FLNC: variants seen among roughly 807,000 people sequenced by gnomAD.
FLNC encodes the protein filamin C.
FLNC carries 91 observed loss-of-function variants against 254.3 expected under a neutral mutation model. The ratio of observed to expected loss-of-function variants is 0.36; its 90% CI spans 0.30 to 0.43. The LOEUF is 0.43. FLNC is among the 20% of genes least tolerant of loss of function. The probability of loss-of-function intolerance (pLI) is 1.00; values close to 1 mark genes in which losing one functional copy is unlikely to be tolerated. For missense variants in FLNC, 2,853 were observed against 3,802.6 expected (o/e 0.75, Z 6.57); for synonymous variants, 1,430 against 1,577.2 (o/e 0.91, Z 2.21).
chr7:128,834,325 A>G (rs1808011825), intron 1 of FLNC, among the ~76,000 whole-genome samples: 1 of 122,320 alleles, frequency 8.2e-6, no homozygotes, highest in Non-Finnish European at 1.7e-5. Flanking sequence ...CCCCCCCCCA[A>G]ATCTTGAGGA....
At chr7:128,843,611 C>A (rs202170677) in intron 18 of FLNC, 34 bp downstream of exon 18, 5 of 1,612,336 alleles carry the variant, frequency 3.1e-6, no homozygotes, top group Non-Finnish European at 4.2e-6. Context: ...ACCGCCCGGC[C>A]GGCCCGCCAG....
chr7:128,855,287 T>G lies in FLNC; in HGVS notation c.7224T>G (p.Ala2408=), dbSNP rs2128939770. Residue 2408 remains alanine, a synonymous_variant, in exon 43 of 48, where the codon GCT becomes GCG. Coordinates refer to ENST00000325888, the MANE Select transcript of FLNC (RefSeq NM_001458.5). The part of the protein sequence containing the change: ...VVPVASLSDD[A]RRLTVTSLQE... ...CTGTGGCCTCCCTCTCGGATGACGCTCGCCGTCTCACTGTCACCAGCCTCC... is the reference window on the plus strand; with the variant it reads ...CTGTGGCCTCCCTCTCGGATGACGCGCGCCGTCTCACTGTCACCAGCCTCC... 6.2e-7 allele frequency: 1 copy of G among 1,613,106 alleles called. No homozygotes were observed. Among genetic ancestry groups the G allele is most frequent in the Non-Finnish European group, 8.5e-7 (1 of 1,179,336 alleles).
rs374206358 is a variant in FLNC at position 128,856,673 on chromosome 7, A to T, written c.7384+23A>T. ...GTGGTGAGCTGGCCCTGCCCCTGCCAACTCCCTTCCGGGCTGGGGCCTTCT... is the reference window on the plus strand; with the variant it reads ...GTGGTGAGCTGGCCCTGCCCCTGCCTACTCCCTTCCGGGCTGGGGCCTTCT... On this transcript the variant is annotated intron_variant, in intron 44 of 47. Coordinates refer to ENST00000325888, the MANE Select transcript of FLNC (RefSeq NM_001458.5). The surrounding 1 kb of genome is among the most constrained non-coding windows in gnomAD (Gnocchi z 5.9). 9.9e-5 allele frequency: 160 copies of T among 1,613,644 alleles called. No homozygotes were observed. The African/African-American group carries it at 2.0e-3, about 20-fold the overall frequency.
In FLNC at chr7:128,851,290, G is replaced by T; in HGVS notation, c.5598G>T (p.Gly1866=). Residue 1866 remains glycine (G), a synonymous_variant, in exon 34 of 48, where the codon GGG becomes GGT. Coordinates refer to ENST00000325888, the MANE Select transcript of FLNC (RefSeq NM_001458.5). The part of the protein sequence containing the change: ...AINSRHVSAY[G]PGLSHGMVNK... ...ACAGCCGCCATGTCAGTGCCTATGG[G>T]CCAGGCCTGAGCCATGGCATGGTCA... 1 of 1,614,096 alleles carries T rather than the reference G, an allele frequency of 6.2e-7. No individual in the cohort carries two copies. Among genetic ancestry groups the T allele is most frequent in the Non-Finnish European group, 8.5e-7 (1 of 1,180,008 alleles).
Position 128,844,226 on chromosome 7 carries a change from C to T in FLNC, c.3152C>T (p.Pro1051Leu), listed in dbSNP as rs546130026. 3.7e-6 allele frequency: 6 copies of T among 1,611,418 alleles called. No homozygotes were observed. Among genetic ancestry groups the T allele is most frequent in the East Asian group, 2.2e-5 (1 of 44,828 alleles). Residue 1051 changes from proline (P) to leucine (L), a missense_variant, in exon 20 of 48, where the codon CCG becomes CTG. Physicochemically the swap from Pro to Leu is moderately conservative, Grantham distance 98. Around this residue, in one of 10 missense-constraint regions of FLNC, gnomAD observed 1,573 missense variants for 1,883.5 expected, o/e 0.84. Transcript: ENST00000325888. ...GATGGTCACCCGGTGCCTGGCAGCC[C>T]GTTTGCTGTGGAGGGTGTCCTGCCC... is the stretch of plus-strand genomic sequence containing the variant. ...TYDGHPVPGS[P>L]FAVEGVLPPD...
rs1808384296 is a variant in FLNC, at chr7:128,842,662, A to G, written c.2353A>G (p.Thr785Ala). 1.3e-6 allele frequency: 2 copies of G among 1,552,582 alleles called. No homozygotes were observed. The highest frequency in any genetic ancestry group is 1.4e-5 in the African/African-American group (1 of 73,008). The part of the protein sequence containing the change: ...EKTGLKANEP[T>A]YFTVDCSEAG... The stretch of plus-strand genomic sequence containing the variant: ...GACAGGCCTCAAGGCCAATGAGCCC[A>G]CCTACTTCACGGTGGACTGCAGCGA... The change falls in exon 15 of 48, where the codon ACC becomes GCC. Residue 785 changes from threonine (T) to alanine (A), a missense_variant. This residue lies in a region of FLNC where 1,573 missense variants were observed against 1,883.5 expected (regional missense o/e 0.84). Coordinates refer to ENST00000325888, the MANE Select transcript of FLNC (RefSeq NM_001458.5). The surrounding 1 kb of genome is among the most constrained non-coding windows in gnomAD (Gnocchi z 5.4).
intron 33 of FLNC, 100 bp downstream of exon 33, chr7:128,851,043 G>C: frequency 6.5e-7 from 1 of 1,538,876 alleles, no homozygotes; most frequent in Non-Finnish European, 9.0e-7. Flanking sequence ...TTGAGCACCC[G>C]CTGTGTGCAG....
rs1422764683 is a variant in FLNC at position 128,841,346 on chromosome 7, G to T, written c.1990G>T (p.Asp664Tyr). The T allele has an allele frequency of 1.2e-6, 2 of 1,613,994 alleles. No individual in the cohort carries two copies. The highest frequency in any genetic ancestry group is 1.1e-5 in the South Asian group (1 of 91,078). ...TGCCCACATCCTGCCCGCCCCACCT[G>T]ACTGCTTCCCAGATAAGGTGTGGTC... ...FIAHILPAPPDCFPDKVKAFG... is the reference protein window; with the variant it reads ...FIAHILPAPPYCFPDKVKAFG... The change falls in exon 12 of 48, where the codon GAC becomes TAC. Residue 664 changes from aspartate to tyrosine, a missense_variant. Transcript: ENST00000325888. The surrounding 1 kb of genome is among the most constrained non-coding windows in gnomAD (Gnocchi z 4.3).
chr7:128,849,025 C>A lies in FLNC; in HGVS notation c.4927+43C>A, dbSNP rs766161375. On this transcript the variant is annotated intron_variant, in intron 28 of 47. Transcript: ENST00000325888. ...GCCCGTGCCCTGCTCACCACCCAGC[C>A]CCTCAAAGCCCCTCCAGAACCCTGG... The A allele has an allele frequency of 9.4e-6, 15 of 1,600,650 alleles. No individual in the cohort carries two copies. In the East Asian group the frequency reaches 3.4e-4, roughly 36 times the overall value.
At chr7:128,834,866 C>T (rs1044725563) in intron 1 of FLNC, among the ~76,000 whole-genome samples, 5 of 152,082 alleles carry the variant, frequency 3.3e-5, no homozygotes, top group African/African-American at 1.2e-4. Flanking sequence ...ATGGTACCTT[C>T]GTTATTCTCC....
chr7:128,858,650 T>C lies in FLNC; in HGVS notation c.*127T>C, dbSNP rs997465232. The stretch of plus-strand genomic sequence containing the variant: ...GAATCAGACACTACAAACACCTGCC[T>C]TGGGGGTGAAGTGAAGGCCCAGCCT... On this transcript the variant is annotated 3_prime_UTR_variant, in exon 48 of 48. Transcript: ENST00000325888. This position sits in a 1 kb window ranked among gnomAD's most constrained non-coding sequence, Gnocchi z 6.7. 2 of 769,256 alleles carry C rather than the reference T, an allele frequency of 2.6e-6. No homozygotes were observed. The highest frequency in any genetic ancestry group is 2.1e-5 in the Admixed American group (1 of 46,946). 47.7% of individuals were successfully genotyped at this position (769,256 alleles called of 1,614,324 possible). A position where few individuals can be genotyped will look rare whatever the true frequency, so the allele number is the denominator to read the frequency against.
chr7:128,845,098 C>T lies in FLNC; in HGVS notation c.3633C>T (p.Thr1211=). The change falls in exon 21 of 48, where the codon ACC becomes ACT. Residue 1211 remains threonine (T), a synonymous_variant. Coordinates refer to ENST00000325888, the MANE Select transcript of FLNC (RefSeq NM_001458.5). ...EVLIHNNADG[T]YHITYSPAFP... is the part of the protein sequence containing the mutation. ...TGATCCACAACAACGCGGATGGCAC[C>T]TACCACATCACCTACAGCCCTGCCT... 2 of 1,613,926 alleles carry T rather than the reference C, an allele frequency of 1.2e-6. No homozygotes were observed. The highest frequency in any genetic ancestry group is 1.1e-5 in the South Asian group (1 of 91,084).
At position 128,848,569 on chromosome 7, in the gene FLNC, A is replaced by G. The variant is rs756526090; in HGVS notation, c.4589A>G (p.Lys1530Arg). The G allele has an allele frequency of 3.7e-6, 6 of 1,613,838 alleles. No homozygotes were observed. Among genetic ancestry groups the G allele is most frequent in the Non-Finnish European group, 5.1e-6 (6 of 1,180,024 alleles). Residue 1530 changes from lysine (K) to arginine (R), a missense_variant, in exon 27 of 48, where the codon AAG becomes AGG. Lys to Arg is a conservative substitution (Grantham distance 26, BLOSUM62 2). This residue lies in a region of FLNC where 1,573 missense variants were observed against 1,883.5 expected (regional missense o/e 0.84). Transcript: ENST00000325888. ...CCCTTCTGCTCCTCAAGCCCCTTCA[A>G]GATCAAGGTCCTCCCAGCTCATGAT... ...ADQEVPRSPF[K>R]IKVLPAHDAS...
rs775496136 is a variant in FLNC, at chr7:128,845,205, C to T, written c.3740C>T (p.Ala1247Val). Residue 1247 changes from alanine (A) to valine (V), a missense_variant, in exon 21 of 48, where the codon GCG (alanine) becomes GTG (valine). Ala to Val is a moderately conservative substitution (Grantham distance 64, BLOSUM62 0). This residue lies in a region of FLNC where 1,573 missense variants were observed against 1,883.5 expected (regional missense o/e 0.84). Coordinates refer to ENST00000325888, the MANE Select transcript of FLNC (RefSeq NM_001458.5). ...KFPTRVHVQP[A>V]VDTSGVKVSG... ...CCCACCCGTGTCCATGTGCAGCCTGCGGTCGATACCAGTGGCGTCAAGGTC... is the reference window on the plus strand; with the variant it reads ...CCCACCCGTGTCCATGTGCAGCCTGTGGTCGATACCAGTGGCGTCAAGGTC... The T allele has an allele frequency of 3.7e-5, 59 of 1,613,842 alleles. No individual in the cohort carries two copies. Among genetic ancestry groups the T allele is most frequent in the African/African-American group, 1.6e-4 (12 of 75,052 alleles).
At position 128,853,794 on chromosome 7, in the gene FLNC, C is replaced by T. The variant is rs762017885; in HGVS notation, c.6441C>T (p.Ile2147=). 6.8e-6 allele frequency: 11 copies of T among 1,613,760 alleles called. No individual in the cohort carries two copies. Among genetic ancestry groups the T allele is most frequent in the East Asian group, 2.2e-5 (1 of 44,866 alleles). Residue 2147 remains isoleucine (I), a synonymous_variant, in exon 39 of 48, where the codon ATC becomes ATT. Coordinates refer to ENST00000325888, the MANE Select transcript of FLNC (RefSeq NM_001458.5). The part of the protein sequence containing the change: ...SITRRRQAPS[I]ATIGSTCDLN... Reference sequence around the variant, plus strand: ...CCCGGCGGAGACAGGCACCTTCCATCGCCACCATCGGCAGCACCTGTGACC... The same window carrying T: ...CCCGGCGGAGACAGGCACCTTCCATTGCCACCATCGGCAGCACCTGTGACC...
intron 32 of FLNC, 103 bp downstream of exon 32, chr7:128,850,586 G>T: frequency 8.5e-7 from 1 of 1,170,844 alleles, no homozygotes; most frequent in South Asian, 1.2e-5. Flanking sequence ...GAGAGAGGAA[G>T]TGAGCTCTAC....
chr7:128,857,463 G>A lies in FLNC; in HGVS notation c.7780+127G>A, dbSNP rs1809115887. On this transcript the variant is annotated intron_variant, in intron 46 of 47. Coordinates refer to ENST00000325888, the MANE Select transcript of FLNC (RefSeq NM_001458.5). The surrounding 1 kb of genome is among the most constrained non-coding windows in gnomAD (Gnocchi z 4.5). ...TCATGGTCAGTTTACCAGGGCTAGA[G>A]GTGGGCCTGGCTCTACACAGTACAC... The A allele has an allele frequency of 3.0e-6, 2 of 677,464 alleles. No individual in the cohort carries two copies. The highest frequency in any genetic ancestry group is 5.3e-6 in the Non-Finnish European group (2 of 378,484). 42.0% of individuals were successfully genotyped at this position (677,464 alleles called of 1,614,324 possible). A position where few individuals can be genotyped will look rare whatever the true frequency, so the allele number is the denominator to read the frequency against.
At chr7:128,849,288 C>G in intron 29 of FLNC, 43 bp from the exon 30 acceptor site, 1 of 1,614,024 alleles carries the variant, frequency 6.2e-7, no homozygotes, top group Non-Finnish European at 8.5e-7. Flanking sequence ...AGAGGGCTGG[C>G]TCCAGCCCAC....
In FLNC at chr7:128,846,334, TCGCTGTGCCCAAGAGC is replaced by T; in HGVS notation, c.4000_4015del (p.Ala1334ProfsTer6). 1 of 1,613,754 alleles carries T rather than the reference TCGCTGTGCCCAAGAGC, an allele frequency of 6.2e-7. No individual in the cohort carries two copies. The highest frequency in any genetic ancestry group is 8.5e-7 in the Non-Finnish European group (1 of 1,179,972). On this transcript the variant is annotated frameshift_variant, in exon 23 of 48. Coordinates refer to ENST00000325888, the MANE Select transcript of FLNC (RefSeq NM_001458.5). LOFTEE classifies it high-confidence loss of function. ...CTGGTGGAGGTCCTGTATGATGAGG[TCGCTGTGCCCAAGAGC>T]CCCTTCCGAGTGGGCGTGACCGAGG...
Sources: allele counts gnomAD v4.1 joint callset (sites outside exome capture counted in the v4.1 genomes callset), GRCh38; gene constraint gnomAD v4.1.1; regional missense constraint gnomAD v4.1.1; non-coding constraint Gnocchi (gnomAD v3.1); transcripts MANE v1.5; gene names NCBI Gene and HGNC (gene_info 2026-07-23, HGNC 2026-07-21).